The following SLC15A2 variants were observed in gnomAD, a reference collection of about 807,000 sequenced individuals.
SLC15A2 encodes kidney H(+)/peptide cotransporter.
In SLC15A2, 77 loss-of-function variants were observed where a neutral mutation model predicts 95.5. The ratio of observed to expected loss-of-function variants is 0.81; its 90% CI spans 0.67 to 0.97. The LOEUF is 0.97. Ranked by LOEUF, SLC15A2 falls within the 50% of genes least tolerant of loss-of-function variation. The pLI is 0.00. For synonymous variants in SLC15A2, 306 were observed against 306.9 expected (o/e 1.00, Z 0.03); for missense variants, 893 against 874.4 (o/e 1.02, Z -0.27).
intron 3 of SLC15A2, among the ~76,000 whole-genome samples, chr3:121,902,232 T>A (rs1709533984): frequency 6.6e-6 from 1 of 152,198 alleles, no homozygotes; most frequent in Non-Finnish European, 1.5e-5. Flanking sequence ...GGAAAACATT[T>A]TTAGTCATAG....
chr3:121,905,143 G>A (rs1342044641), intron 3 of SLC15A2, among the ~76,000 whole-genome samples: 1 of 152,146 alleles, frequency 6.6e-6, no homozygotes, highest in Admixed American at 6.5e-5. Flanking sequence ...GCATAGAGGT[G>A]TTTATAGTAT....
At chr3:121,901,857 G>T (rs977713098) in intron 3 of SLC15A2, among the ~76,000 whole-genome samples, 1 of 151,982 alleles carries the variant, frequency 6.6e-6, no homozygotes, top group Non-Finnish European at 1.5e-5. Flanking sequence ...GTGTGTGTGT[G>T]TGTGTGTGTG....
chr3:121,928,446 C>T lies in SLC15A2; in HGVS notation c.1232C>T (p.Pro411Leu), dbSNP rs559674871. The T allele has an allele frequency of 1.1e-5, 17 of 1,613,934 alleles. No individual in the cohort carries two copies. In the South Asian group the frequency reaches 1.9e-4, roughly 18 times the overall value. Residue 411 changes from proline to leucine, a missense_variant, in exon 15 of 22, where the codon CCC becomes CTC. Pro to Leu is a moderately conservative substitution (Grantham distance 98). Coordinates refer to ENST00000489711, the MANE Select transcript of SLC15A2 (RefSeq NM_021082.4). ...GAAATGGCCCCAGCCCAGCCAGGTC[C>T]CCAGGAGGTTTTCCTACAAGTCTTG... ...INEMAPAQPG[P>L]QEVFLQVLNL...
rs115980733 is a variant in SLC15A2, at chr3:121,922,606, T to C, written c.781-169T>C. Among the ~76,000 whole-genome samples the C allele has an allele frequency of 2.5e-3, 387 of 152,348 alleles. 1 individual carries two copies. The highest frequency in any genetic ancestry group is 0.014 in the Middle Eastern group (4 of 294). On this transcript the variant is annotated intron_variant, in intron 8 of 21. Coordinates refer to ENST00000489711, the MANE Select transcript of SLC15A2 (RefSeq NM_021082.4). ...TTGAATGGCAAGTTCTTTCTTAAAG[T>C]GATAGATAAAATTATATCAGAAATA...
At chr3:121,912,552 A>C (rs1392992858) in intron 4 of SLC15A2, among the ~76,000 whole-genome samples, 1 of 152,124 alleles carries the variant, frequency 6.6e-6, no homozygotes, top group Non-Finnish European at 1.5e-5. Context: ...AATAAATATT[A>C]CTTTCTTATT....
chr3:121,935,202 C>G (rs1188255350), intron 19 of SLC15A2, among the ~76,000 whole-genome samples: 1 of 152,266 alleles, frequency 6.6e-6, no homozygotes, highest in Admixed American at 6.5e-5. Flanking sequence ...CCATGTTCAT[C>G]GAGGATATTG....
At position 121,918,306 on chromosome 3, in the gene SLC15A2, G is replaced by C. The variant is rs187880512; in HGVS notation, c.697+2613G>C. Among the ~76,000 whole-genome samples, 4 of 152,278 alleles carry C rather than the reference G, an allele frequency of 2.6e-5. No homozygotes were observed. The East Asian group carries it at 5.8e-4, about 22-fold the overall frequency. On this transcript the variant is annotated intron_variant, in intron 7 of 21. Coordinates refer to ENST00000489711, the MANE Select transcript of SLC15A2 (RefSeq NM_021082.4). ...AGTGTTCTGAACCTTGAACAACTGG[G>C]TAGGTAGTGGGGTTATTAACTGAGC... is the stretch of plus-strand genomic sequence containing the variant.
In SLC15A2 at chr3:121,922,286, T is replaced by C. The variant is rs1333413390; in HGVS notation, c.764T>C (p.Val255Ala). The C allele has an allele frequency of 6.2e-7, 1 of 1,613,736 alleles. No homozygotes were observed. Among genetic ancestry groups the C allele is most frequent in the Admixed American group, 1.7e-5 (1 of 59,992 alleles). The change falls in exon 8 of 22, where the codon GTT (valine) becomes GCT (alanine). Residue 255 changes from valine to alanine, a missense_variant. By Grantham distance (64) the Val-to-Ala change is moderately conservative (BLOSUM62 0). Coordinates refer to ENST00000489711, the MANE Select transcript of SLC15A2 (RefSeq NM_021082.4). ...CCTGAAGGAAACATAGTGGCTCAAG[T>C]TTTCAAATGTATCTGGGTAAGTCCA... ...PPPEGNIVAQVFKCIWFAISN... is the reference protein window; with the variant it reads ...PPPEGNIVAQAFKCIWFAISN...
At chr3:121,936,516 G>T (rs1710350161) in intron 19 of SLC15A2, among the ~76,000 whole-genome samples, 2 of 151,692 alleles carry the variant, frequency 1.3e-5, no homozygotes, top group South Asian at 4.1e-4. Context: ...TTACCATTAT[G>T]TAATGGCCTT....
rs570973048 is a variant in SLC15A2, at chr3:121,943,359, C to T, written c.*2352C>T. 1 of 152,114 alleles carries T rather than the reference C, an allele frequency of 6.6e-6. No homozygotes were observed. The highest frequency in any genetic ancestry group is 1.5e-5 in the Non-Finnish European group (1 of 68,016). 9.4% of individuals were successfully genotyped at this position (152,114 alleles called of 1,614,324 possible). ...ACTTTCATGGCTCTTCCCTAATCAT[C>T]AAGTATTCAAGGTAAAGATTCTCGG... is the stretch of plus-strand genomic sequence containing the variant. On this transcript the variant is annotated 3_prime_UTR_variant, in exon 22 of 22. Coordinates refer to ENST00000489711, the MANE Select transcript of SLC15A2 (RefSeq NM_021082.4).
chr3:121,896,440 C>G lies in SLC15A2; in HGVS notation c.140C>G (p.Ala47Gly), dbSNP rs576461255. The change falls in exon 2 of 22, where the codon GCC becomes GGC. Residue 47 changes from alanine (A) to glycine (G), a missense_variant. Coordinates refer to ENST00000489711, the MANE Select transcript of SLC15A2 (RefSeq NM_021082.4). ...ICGSNYPLSI[A>G]FIVVNEFCER... The stretch of plus-strand genomic sequence containing the variant: ...GGCTCCAACTATCCACTGAGCATTG[C>G]CTTCATTGTGGTGAATGAATTCTGC... 18 of 1,614,116 alleles carry G rather than the reference C, an allele frequency of 1.1e-5. No individual in the cohort carries two copies. The African/African-American group carries it at 2.0e-4, about 18-fold the overall frequency.
Position 121,911,761 on chromosome 3 carries a change from A to G in SLC15A2, c.428+95A>G. 3 of 832,208 alleles carry G rather than the reference A, an allele frequency of 3.6e-6. No individual in the cohort carries two copies. The South Asian group carries it at 4.6e-5, about 13-fold the overall frequency. The allele number at this position is 832,208 out of a possible 1,614,324, so 51.6% of individuals were successfully genotyped here. On this transcript the variant is annotated intron_variant, in intron 4 of 21. Transcript: ENST00000489711. Reference sequence around the variant, plus strand: ...TTACCAGAGATGTCTCTTTATTTTCAATCTACAGTTTACTACAAAACTGGT... The same window carrying G: ...TTACCAGAGATGTCTCTTTATTTTCGATCTACAGTTTACTACAAAACTGGT...
chr3:121,927,725 T>C, intron 13 of SLC15A2, 33 bp from the exon 14 acceptor site: 1 of 1,526,556 alleles, frequency 6.6e-7, no homozygotes, highest in South Asian at 1.1e-5. Context: ...GAGTCTAAAG[T>C]TTAGATATAA....
Position 121,940,437 on chromosome 3 carries a change from A to C in SLC15A2, c.1962A>C (p.Ala654=). The C allele has an allele frequency of 6.2e-7, 1 of 1,614,140 alleles. No homozygotes were observed. ...AGGCAGCTTGGCTATTGACAATTGC[A>C]GTTGGGAATATCATCGTGCTTGTTG... The part of the protein sequence containing the change: ...VLQAAWLLTI[A]VGNIIVLVVA... The change falls in exon 21 of 22, where the codon GCA becomes GCC. Residue 654 remains alanine (A), a synonymous_variant. Transcript: ENST00000489711.
In SLC15A2 at chr3:121,942,515, T is replaced by G. The variant is rs569616194; in HGVS notation, c.*1508T>G. On this transcript the variant is annotated 3_prime_UTR_variant, in exon 22 of 22. Coordinates refer to ENST00000489711, the MANE Select transcript of SLC15A2 (RefSeq NM_021082.4). Reference sequence around the variant, plus strand: ...TGTTACTGTTAACAGGTAAGAGAAATTGCTCTAAGTGCCCAAACTTTATAT... The same window carrying G: ...TGTTACTGTTAACAGGTAAGAGAAAGTGCTCTAAGTGCCCAAACTTTATAT... 6.6e-6 allele frequency: 1 copy of G among 152,294 alleles called. No individual in the cohort carries two copies. The highest frequency in any genetic ancestry group is 1.9e-4 in the East Asian group (1 of 5,182). The allele number at this position is 152,294 out of a possible 1,614,324, so 9.4% of individuals were successfully genotyped here. A position where few individuals can be genotyped will look rare whatever the true frequency, so the allele number is the denominator to read the frequency against.
intron 11 of SLC15A2, among the ~76,000 whole-genome samples, chr3:121,923,498 A>G (rs1300874745): frequency 6.6e-6 from 1 of 152,330 alleles, no homozygotes; most frequent in Admixed American, 6.5e-5. Context: ...AATGTATACA[A>G]GGAAGTATTG....
At chr3:121,930,736 C>T (rs2107605188) in intron 17 of SLC15A2, 104 bp from the exon 18 acceptor site, 1 of 657,284 alleles carries the variant, frequency 1.5e-6, no homozygotes, top group South Asian at 1.9e-5. Flanking sequence ...TCCTAGGCAC[C>T]TGGGCACTGG....
At chr3:121,897,569 G>A (rs757397895) in intron 3 of SLC15A2, 40 bp downstream of exon 3, 2 of 1,609,360 alleles carry the variant, frequency 1.2e-6, no homozygotes, top group Non-Finnish European at 1.7e-6. Flanking sequence ...AAGTTTCACA[G>A]GTTGTGCAGA....
Position 121,908,541 on chromosome 3 carries a change from C to T in SLC15A2, c.336-3033C>T, listed in dbSNP as rs1709701185. Reference sequence around the variant, plus strand: ...TTATTATGCTTTTGAATGTCCTCTCCACACTTCTCTTTTCTCTTTCTCTGA... The same window carrying T: ...TTATTATGCTTTTGAATGTCCTCTCTACACTTCTCTTTTCTCTTTCTCTGA... On this transcript the variant is annotated intron_variant, in intron 3 of 21. Transcript: ENST00000489711. 1.3e-5 allele frequency among the ~76,000 whole-genome samples: 2 copies of T among 152,134 alleles called. 1 individual carries two copies. Among genetic ancestry groups the T allele is most frequent in the Admixed American group, 1.3e-4 (2 of 15,264 alleles).
Sources: gnomAD v4.1 joint callset for allele counts (sites outside exome capture counted in the v4.1 genomes callset) on GRCh38, gnomAD v4.1.1 for gene constraint, MANE v1.5 for transcripts, NCBI Gene and HGNC (gene_info 2026-07-23, HGNC 2026-07-21) for gene names.